The following PACS1 variants were observed in gnomAD, a reference collection of about 807,000 sequenced individuals.
The protein encoded by PACS1 is phosphofurin acidic cluster sorting protein 1.
PACS1 carries 24 observed loss-of-function variants against 115.0 expected under a neutral mutation model. The ratio of observed to expected loss-of-function variants is 0.21; its 90% CI spans 0.15 to 0.29. The LOEUF is 0.29. Ranked by LOEUF, PACS1 falls within the 10% of genes least tolerant of loss-of-function variation. The probability of loss-of-function intolerance (pLI) is 1.00; values close to 1 mark genes in which losing one functional copy is unlikely to be tolerated. For missense variants in PACS1, 838 were observed against 1,251.2 expected, an observed-to-expected ratio of 0.67 and a Z score of 4.98; for synonymous variants, 453 against 504.5, an observed-to-expected ratio of 0.90 and a Z score of 1.37.
At chr11:66,155,437 T>C (rs184837545) in intron 1 of PACS1, among the ~76,000 whole-genome samples, 3 of 152,272 alleles carry the variant, frequency 2.0e-5, no homozygotes, top group Admixed American at 6.5e-5. Context: ...CACAAAAGAT[T>C]TCAAAGTATA....
chr11:66,216,927 C>T (rs761451357), intron 7 of PACS1, 152 bp downstream of exon 7: 27 of 615,842 alleles, frequency 4.4e-5, no homozygotes, highest in East Asian at 8.9e-5. Context: ...TCCTCACCAC[C>T]GCCCAATTAG....
intron 10 of PACS1, among the ~76,000 whole-genome samples, chr11:66,223,340 C>T (rs967863086): frequency 3.3e-5 from 5 of 151,760 alleles, no homozygotes; most frequent in African/African-American, 7.3e-5. Flanking sequence ...GTGATCCGCC[C>T]GCCTCAGCTT....
intron 1 of PACS1, among the ~76,000 whole-genome samples, chr11:66,089,952 G>A (rs965738039): frequency 7.9e-6 from 1 of 127,088 alleles, no homozygotes; most frequent in Middle Eastern, 6.8e-3. Flanking sequence ...CTTGCAGTGA[G>A]CCAAGATCGC....
chr11:66,186,320 C>T (rs1854371923), intron 1 of PACS1, among the ~76,000 whole-genome samples: 2 of 151,952 alleles, frequency 1.3e-5, no homozygotes, highest in South Asian at 2.1e-4. Context: ...TTACAGAGGC[C>T]TGCATGTGAA....
At chr11:66,080,380 C>T (rs1050898217) in intron 1 of PACS1, among the ~76,000 whole-genome samples, 3 of 151,636 alleles carry the variant, frequency 2.0e-5, no homozygotes, top group Non-Finnish European at 4.4e-5. Flanking sequence ...GGTCAGATAG[C>T]GAGTAGGGTC....
rs536362897 is a variant in PACS1, at chr11:66,236,918, C to A, written c.2250+978C>A. 6.6e-6 allele frequency among the ~76,000 whole-genome samples: 1 copy of A among 151,934 alleles called. No homozygotes were observed. The highest frequency in any genetic ancestry group is 2.1e-4 in the South Asian group (1 of 4,804). Reference sequence around the variant, plus strand: ...CTGGGACCATAGGTACATGCCACCACGCCTGGCTAATTTTTTTTTGAGACA... The same window carrying A: ...CTGGGACCATAGGTACATGCCACCAAGCCTGGCTAATTTTTTTTTGAGACA... On this transcript the variant is annotated intron_variant, in intron 19 of 23. Coordinates refer to ENST00000320580, the MANE Select transcript of PACS1 (RefSeq NM_018026.4). This position sits in a 1 kb window ranked among gnomAD's most constrained non-coding sequence, Gnocchi z 4.2.
At chr11:66,126,876 G>A (rs1418432166) in intron 1 of PACS1, among the ~76,000 whole-genome samples, 3 of 151,978 alleles carry the variant, frequency 2.0e-5, no homozygotes, top group Non-Finnish European at 4.4e-5. Flanking sequence ...GAGGTGACTG[G>A]CAGCAAGGGC....
At chr11:66,103,162 G>GA (rs1159807577) in intron 1 of PACS1, among the ~76,000 whole-genome samples, 2 of 152,190 alleles carry the variant, frequency 1.3e-5, no homozygotes, top group African/African-American at 4.8e-5. Flanking sequence ...TGGCACAGTT[G>GA]AAATGATAAA....
chr11:66,175,828 C>A (rs1414831759), intron 1 of PACS1, among the ~76,000 whole-genome samples: 1 of 152,142 alleles, frequency 6.6e-6, no homozygotes, highest in African/African-American at 2.4e-5. Context: ...ATTTTTCCTT[C>A]TCTACTCTTG....
intron 1 of PACS1, among the ~76,000 whole-genome samples, chr11:66,150,104 T>A (rs1227283547): frequency 6.6e-6 from 1 of 152,186 alleles, no homozygotes; most frequent in Non-Finnish European, 1.5e-5. Flanking sequence ...CTCTCTCTAT[T>A]CCTATCATAT....
chr11:66,140,946 G>T (rs972290633), intron 1 of PACS1, among the ~76,000 whole-genome samples: 1 of 151,976 alleles, frequency 6.6e-6, no homozygotes, highest in Non-Finnish European at 1.5e-5. Flanking sequence ...GTATCTTATT[G>T]TATGGATCTA....
At chr11:66,230,334 G>A (rs980862184) in intron 11 of PACS1, 39 of 566,376 alleles carry the variant, frequency 6.9e-5, no homozygotes, top group Non-Finnish European at 9.8e-5. Flanking sequence ...CTGGATTGCA[G>A]CATATGGTGC....
intron 2 of PACS1, among the ~76,000 whole-genome samples, chr11:66,204,085 C>T (rs942930866): frequency 2.6e-5 from 4 of 152,084 alleles, no homozygotes; most frequent in African/African-American, 4.8e-5. Flanking sequence ...GGGCCAGGCA[C>T]GGTGGCTCAT....
intron 10 of PACS1, among the ~76,000 whole-genome samples, chr11:66,227,143 C>T (rs1467983455): frequency 1.3e-5 from 2 of 152,184 alleles, no homozygotes; most frequent in African/African-American, 2.4e-5. Flanking sequence ...AGGAGGCCTC[C>T]CCTCTATGTC....
chr11:66,186,267 C>T (rs890894863), intron 1 of PACS1, among the ~76,000 whole-genome samples: 2 of 151,368 alleles, frequency 1.3e-5, no homozygotes, highest in Admixed American at 1.3e-4. Flanking sequence ...CAGAGCAAGA[C>T]CCTGTCTCTT....
Position 66,233,824 on chromosome 11 carries a change from G to A in PACS1, c.1878G>A (p.Val626=), listed in dbSNP as rs1289956606. ...CTTCCATGCCGAGGCCAGTGAAGGT[G>A]GCTGCTGTGGGAGGCCAGAGCTACC... ...CNSSMPRPVK[V]AAVGGQSYLS... Residue 626 remains valine, a synonymous_variant, in exon 16 of 24, where the codon GTG becomes GTA. Coordinates refer to ENST00000320580, the MANE Select transcript of PACS1 (RefSeq NM_018026.4). The surrounding 1 kb of genome is among the most constrained non-coding windows in gnomAD (Gnocchi z 4.5). 6.2e-7 allele frequency: 1 copy of A among 1,613,832 alleles called. No individual in the cohort carries two copies.
intron 1 of PACS1, among the ~76,000 whole-genome samples, chr11:66,161,823 G>T (rs564394505): frequency 1.5e-3 from 227 of 152,248 alleles, no homozygotes; most frequent in African/African-American, 5.3e-3. Flanking sequence ...AGCATTCACA[G>T]CCTCGAGAGA....
intron 4 of PACS1, among the ~76,000 whole-genome samples, chr11:66,211,989 G>A (rs375833828): frequency 4.9e-4 from 74 of 152,198 alleles, no homozygotes; most frequent in African/African-American, 1.4e-3. Flanking sequence ...GTCCAGGTTC[G>A]CCTGATGTTG....
At chr11:66,116,644 G>A (rs1420345567) in intron 1 of PACS1, among the ~76,000 whole-genome samples, 5 of 152,164 alleles carry the variant, frequency 3.3e-5, no homozygotes, top group African/African-American at 7.2e-5. Flanking sequence ...TGTAATCCCA[G>A]CACTTTGGCT....
Sources: allele counts gnomAD v4.1 joint callset (sites outside exome capture counted in the v4.1 genomes callset), GRCh38; gene constraint gnomAD v4.1.1; non-coding constraint Gnocchi (gnomAD v3.1); transcripts MANE v1.5; gene names NCBI Gene and HGNC (gene_info 2026-07-23, HGNC 2026-07-21).